The following INPP4B variants were observed in gnomAD, a reference collection of about 807,000 sequenced individuals.
INPP4B encodes inositol polyphosphate 4-phosphatase type II.
Under a neutral mutation model 122.5 loss-of-function variants are expected in INPP4B, and 55 were observed. That is an observed-to-expected ratio of 0.45 (90% CI 0.36 to 0.56). The LOEUF (loss-of-function observed/expected upper bound fraction) is 0.56. Ranked by LOEUF, INPP4B falls within the 20% of genes least tolerant of loss-of-function variation. INPP4B has a pLI of 0.00. For synonymous variants in INPP4B, 403 were observed against 388.7 expected, an observed-to-expected ratio of 1.04 and a Z score of -0.43; for missense variants, 1,000 against 1,097.7, an observed-to-expected ratio of 0.91 and a Z score of 1.26.
chr4:142,733,400 A>AATAT (rs1336990556), intron 1 of INPP4B, among the ~76,000 whole-genome samples: 3 of 152,198 alleles, frequency 2.0e-5, no homozygotes, highest in Non-Finnish European at 4.4e-5. Context: ...CAATACTCAG[A>AATAT]ATATATACAA....
intron 1 of INPP4B, among the ~76,000 whole-genome samples, chr4:142,820,484 T>A (rs1780670808): frequency 6.6e-6 from 1 of 152,132 alleles, no homozygotes; most frequent in Non-Finnish European, 1.5e-5. Flanking sequence ...GCTGGCACCA[T>A]GCTTCTTGTA....
chr4:142,055,989 G>A (rs1757471596), intron 25 of INPP4B, among the ~76,000 whole-genome samples: 1 of 151,794 alleles, frequency 6.6e-6, no homozygotes, highest in African/African-American at 2.4e-5. Flanking sequence ...GGGGGTGATG[G>A]GAGACAGTGA....
intron 1 of INPP4B, among the ~76,000 whole-genome samples, chr4:142,728,228 G>T (rs1765582826): frequency 6.6e-6 from 1 of 152,126 alleles, no homozygotes; most frequent in African/African-American, 2.4e-5. Context: ...CCCTGATTGG[G>T]CTTGACTACG....
intron 7 of INPP4B, among the ~76,000 whole-genome samples, chr4:142,401,398 A>T (rs1801543217): frequency 1.3e-5 from 2 of 152,308 alleles, no homozygotes; most frequent in South Asian, 2.1e-4. Flanking sequence ...GAAAAGACAA[A>T]ACTCCCAGGC....
intron 2 of INPP4B, among the ~76,000 whole-genome samples, chr4:142,593,242 C>T (rs541467242): frequency 6.6e-6 from 1 of 151,866 alleles, no homozygotes; most frequent in African/African-American, 2.4e-5. Flanking sequence ...GAAGTTTAAT[C>T]CTCACAGATG....
At chr4:142,352,150 C>T (rs989113193) in intron 7 of INPP4B, among the ~76,000 whole-genome samples, 6 of 151,820 alleles carry the variant, frequency 4.0e-5, no homozygotes, top group South Asian at 4.2e-4. Flanking sequence ...GTCTGCCCAG[C>T]GAATGTGTTT....
chr4:142,405,000 T>C (rs549705326), intron 6 of INPP4B, among the ~76,000 whole-genome samples: 5 of 152,000 alleles, frequency 3.3e-5, no homozygotes, highest in East Asian at 1.9e-4. Flanking sequence ...TACCAATGCA[T>C]TGCTTAATAA....
intron 2 of INPP4B, among the ~76,000 whole-genome samples, chr4:142,466,564 C>A (rs1817822719): frequency 6.6e-6 from 1 of 152,176 alleles, no homozygotes; most frequent in Non-Finnish European, 1.5e-5. Context: ...AATTTGCAGC[C>A]TGACCATGTG....
chr4:142,101,355 T>A (rs1784389805), intron 23 of INPP4B, among the ~76,000 whole-genome samples: 1 of 152,132 alleles, frequency 6.6e-6, no homozygotes. Flanking sequence ...TTCCACCAGT[T>A]ATTTTTGGGT....
At chr4:142,037,637 A>C (rs1169182918) in intron 25 of INPP4B, among the ~76,000 whole-genome samples, 1 of 152,176 alleles carries the variant, frequency 6.6e-6, no homozygotes, top group Non-Finnish European at 1.5e-5. Flanking sequence ...GTTTGAAGCT[A>C]TGGGTATACC....
intron 1 of INPP4B, among the ~76,000 whole-genome samples, chr4:142,840,891 A>G (rs564542351): frequency 3.4e-4 from 52 of 152,222 alleles, no homozygotes; most frequent in Middle Eastern, 3.4e-3. Context: ...GACATATACC[A>G]TAAAATCACA....
chr4:142,366,841 T>C (rs1787678143), intron 7 of INPP4B, among the ~76,000 whole-genome samples: 1 of 152,118 alleles, frequency 6.6e-6, no homozygotes, highest in Non-Finnish European at 1.5e-5. Flanking sequence ...GCAAGTCCTA[T>C]TTGCTGTATC....
At chr4:142,489,893 AT>A (rs1387290847) in intron 2 of INPP4B, among the ~76,000 whole-genome samples, 2 of 152,152 alleles carry the variant, frequency 1.3e-5, no homozygotes, top group African/African-American at 4.8e-5. Flanking sequence ...AATAATCCTT[AT>A]CTCAAAGTTC....
At chr4:142,753,024 G>A (rs1249045705) in intron 1 of INPP4B, among the ~76,000 whole-genome samples, 1 of 152,084 alleles carries the variant, frequency 6.6e-6, no homozygotes, top group Non-Finnish European at 1.5e-5. Flanking sequence ...GGCAGAAACA[G>A]CTCTGTGCAG....
intron 1 of INPP4B, among the ~76,000 whole-genome samples, chr4:142,748,496 G>GA (rs1769137470): frequency 6.6e-6 from 1 of 151,524 alleles, no homozygotes; most frequent in African/African-American, 2.4e-5. Flanking sequence ...AAAGTAATCA[G>GA]AAAAAAGAAG....
In INPP4B at chr4:142,403,927, CTTATAG is replaced by C. The variant is rs1400807846; in HGVS notation, c.256-879_256-874del. ...TAAAATGTGCCAAAATAAGACATTTCTTATAGTTAAGATGGTAAATTTTATAATATG... is the reference window on the plus strand; with the variant it reads ...TAAAATGTGCCAAAATAAGACATTTCTTAAGATGGTAAATTTTATAATATG... On this transcript the variant is annotated intron_variant, in intron 6 of 25. Coordinates refer to ENST00000262992, the MANE Select transcript of INPP4B (RefSeq NM_001101669.3). Among the ~76,000 whole-genome samples the C allele has an allele frequency of 4.6e-5, 7 of 152,060 alleles. No homozygotes were observed. In the East Asian group the frequency reaches 9.7e-4, roughly 21 times the overall value.
In INPP4B at chr4:142,349,263, G is replaced by T. The variant is rs140618112; in HGVS notation, c.373-34501C>A. ...CTTTTTATTTCCCCCCAGAGAATAAGGACAACTGATATACGAGAGATAAAA... is the reference window on the plus strand; with the variant it reads ...CTTTTTATTTCCCCCCAGAGAATAATGACAACTGATATACGAGAGATAAAA... On this transcript the variant is annotated intron_variant, in intron 7 of 25. Transcript: ENST00000262992. Among the ~76,000 whole-genome samples, 1,395 of 152,114 alleles carry T rather than the reference G, an allele frequency of 9.2e-3. 22 individuals are homozygous for T. The highest frequency in any genetic ancestry group is 0.031 in the African/African-American group (1,308 of 41,546).
intron 2 of INPP4B, among the ~76,000 whole-genome samples, chr4:142,718,083 T>C (rs1764034958): frequency 6.6e-6 from 1 of 152,002 alleles, no homozygotes; most frequent in Admixed American, 6.6e-5. Flanking sequence ...CCAGGCTGTA[T>C]AGCTACAAGG....
intron 10 of INPP4B, among the ~76,000 whole-genome samples, chr4:142,263,680 A>ATATATATG (rs61694410): frequency 0.061 from 4,986 of 81,648 alleles, 1,062 homozygotes; most frequent in East Asian, 0.14. Context: ...ATATATATAT[A>ATATATATG]ACATTGAACA....
Sources: gnomAD v4.1 joint callset for allele counts (sites outside exome capture counted in the v4.1 genomes callset) on GRCh38, gnomAD v4.1.1 for gene constraint, MANE v1.5 for transcripts, NCBI Gene and HGNC (gene_info 2026-07-23, HGNC 2026-07-21) for gene names.